Variants in HDGFL2 observed in about 807,000 individuals in gnomAD.
HDGFL2 encodes the protein HDGF like 2.
A neutral mutation model predicts 77.1 loss-of-function variants in HDGFL2; 36 were observed. The observed-to-expected ratio is 0.47, with a 90% CI of 0.36 to 0.62. HDGFL2 has a LOEUF of 0.62. Ranked by LOEUF, HDGFL2 falls within the 20% of genes least tolerant of loss-of-function variation. HDGFL2 has a pLI of 0.00. For synonymous variants in HDGFL2, 463 were observed against 413.1 expected (o/e 1.12, Z -1.46); for missense variants, 976 against 973.4 (o/e 1.00, Z -0.04).
intron 15 of HDGFL2, 151 bp downstream of exon 15, chr19:4,501,468 C>T (rs1233706475): frequency 3.3e-6 from 3 of 918,524 alleles, no homozygotes; most frequent in Middle Eastern, 7.2e-4. Context: ...ACAGCTGACC[C>T]CAGGGCCCCG....
intron 8 of HDGFL2, 42 bp downstream of exon 8, chr19:4,494,099 C>T (rs760181661): frequency 1.4e-5 from 21 of 1,532,424 alleles, no homozygotes; most frequent in Middle Eastern, 1.7e-4. Context: ...GCTCCTCCAT[C>T]GGCTGAGGGG....
At chr19:4,483,632 C>T (rs550769783) in intron 3 of HDGFL2, among the ~76,000 whole-genome samples, 26 of 152,114 alleles carry the variant, frequency 1.7e-4, no homozygotes, top group African/African-American at 6.0e-4. Context: ...TTCCTGGCCT[C>T]GTCTCCCGCG....
At chr19:4,489,433 C>G (rs964462616) in intron 4 of HDGFL2, among the ~76,000 whole-genome samples, 1 of 149,886 alleles carries the variant, frequency 6.7e-6, no homozygotes, top group Non-Finnish European at 1.5e-5. Flanking sequence ...GAGACGGAGT[C>G]TCATTCTGTT....
At position 4,501,964 on chromosome 19, in the gene HDGFL2, G is replaced by A. The variant is rs560271376; in HGVS notation, c.1970G>A (p.Arg657His). The A allele has an allele frequency of 3.3e-5, 49 of 1,506,328 alleles. 1 individual carries two copies. The highest frequency in any genetic ancestry group is 3.8e-5 in the Non-Finnish European group (43 of 1,133,848). 93.3% of individuals were successfully genotyped at this position (1,506,328 alleles called of 1,614,324 possible). The part of the protein sequence containing the change: ...LDRPGSDRQE[R>H]ERARGDSEAL... Reference sequence around the variant, plus strand: ...AGGCCTGGGAGCGACCGGCAGGAGCGCGAGAGGGCACGGGGGGACTCGGAG... The same window carrying A: ...AGGCCTGGGAGCGACCGGCAGGAGCACGAGAGGGCACGGGGGGACTCGGAG... The change falls in exon 16 of 16, where the codon CGC becomes CAC. Residue 657 changes from arginine to histidine, a missense_variant. Arg to His is a conservative substitution (Grantham distance 29, BLOSUM62 0). Transcript: ENST00000616600.
intron 10 of HDGFL2, chr19:4,497,050 GC>G (rs1568216466): frequency 2.5e-6 from 1 of 403,760 alleles, no homozygotes; most frequent in Non-Finnish European, 4.9e-6. Flanking sequence ...AATTTTTGTT[GC>G]TTTAGTAGAC....
At position 4,501,258 on chromosome 19, in the gene HDGFL2, CGAG is replaced by C. The variant is rs757742094; in HGVS notation, c.1862_1864del (p.Glu621del). The stretch of plus-strand genomic sequence containing the variant: ...GGGAGAGCGCAGAGGACAAGGAGCA[CGAG>C]GAGGGTCGGGACTCGGAGGAGGGGC... On this transcript the variant is annotated inframe_deletion, in exon 15 of 16. Transcript: ENST00000616600. The C allele has an allele frequency of 1.2e-5, 19 of 1,613,298 alleles. No homozygotes were observed. In the African/African-American group the frequency reaches 2.5e-4, roughly 22 times the overall value.
intron 3 of HDGFL2, among the ~76,000 whole-genome samples, chr19:4,482,693 G>A (rs1412415820): frequency 6.6e-6 from 1 of 152,188 alleles, no homozygotes; most frequent in Non-Finnish European, 1.5e-5. Flanking sequence ...GCCAAGACCT[G>A]CTCGTGCTTT....
At position 4,501,217 on chromosome 19, in the gene HDGFL2, G is replaced by T; in HGVS notation, c.1816G>T (p.Ala606Ser). The change falls in exon 15 of 16, where the codon GCC becomes TCC. Residue 606 changes from alanine to serine, a missense_variant. Transcript: ENST00000616600. Reference protein sequence around the residue: ...TDLSAPVNGEATSQKGESAED... With the variant: ...TDLSAPVNGESTSQKGESAED... ...TCTCTCAGCCCCAGTGAATGGCGAG[G>T]CCACATCACAGAAGGGGGAGAGCGC... 6.2e-7 allele frequency: 1 copy of T among 1,613,656 alleles called. No individual in the cohort carries two copies. Among genetic ancestry groups the T allele is most frequent in the African/African-American group, 1.3e-5 (1 of 75,064 alleles).
intron 3 of HDGFL2, among the ~76,000 whole-genome samples, chr19:4,478,019 G>T (rs1005553328): frequency 2.7e-5 from 4 of 149,074 alleles, no homozygotes; most frequent in Non-Finnish European, 4.4e-5. Flanking sequence ...GGGAGAAGTT[G>T]CAGTGAGCCA....
rs967486231 is a variant in HDGFL2, at chr19:4,488,970, T to C, written c.489+94T>C. The stretch of plus-strand genomic sequence containing the variant: ...TCCTGCCCTTTTTTTTTTTTTTTTT[T>C]TGAGACAAGGTCTTACTCTGTCGCC... On this transcript the variant is annotated intron_variant, in intron 4 of 15. Transcript: ENST00000616600. 7 of 915,976 alleles carry C rather than the reference T, an allele frequency of 7.6e-6. No individual in the cohort carries two copies. The African/African-American group carries it at 1.2e-4, about 16-fold the overall frequency. The allele number at this position is 915,976 out of a possible 1,614,324, so 56.7% of individuals were successfully genotyped here. A position where few individuals can be genotyped will look rare whatever the true frequency, so the allele number is the denominator to read the frequency against.
intron 10 of HDGFL2, 81 bp from the exon 11 acceptor site, chr19:4,497,877 G>T (rs1042488788): frequency 2.4e-6 from 3 of 1,275,690 alleles, no homozygotes; most frequent in Non-Finnish European, 3.3e-6. Context: ...CAGTGGGTTT[G>T]GGTCCACCCC....
chr19:4,492,899 T>TAGTTA (rs1975565797), intron 6 of HDGFL2, among the ~76,000 whole-genome samples: 2 of 118,550 alleles, frequency 1.7e-5, no homozygotes, highest in African/African-American at 3.6e-5. Context: ...ATCTGTGGTG[T>TAGTTA]GTGTGTGGTG....
chr19:4,487,283 G>A (rs1019407354), intron 3 of HDGFL2, among the ~76,000 whole-genome samples: 1 of 150,852 alleles, frequency 6.6e-6, no homozygotes, highest in African/African-American at 2.4e-5. Flanking sequence ...TACAAACGGG[G>A]TCTTGCTCTA....
rs1299641315 is a variant in HDGFL2, at chr19:4,501,204, A to C, written c.1803A>C (p.Pro601=). ...EDKPSTDLSA[P]VNGEATSQKG... ...TGTCCCACCCAGATCTCTCAGCCCC[A>C]GTGAATGGCGAGGCCACATCACAGA... Residue 601 remains proline (P), a synonymous_variant, in exon 15 of 16, where the codon CCA becomes CCC. Coordinates refer to ENST00000616600, the MANE Select transcript of HDGFL2 (RefSeq NM_001001520.3). 6.2e-7 allele frequency: 1 copy of C among 1,613,378 alleles called. No individual in the cohort carries two copies. The highest frequency in any genetic ancestry group is 1.1e-5 in the South Asian group (1 of 91,080).
At chr19:4,478,197 G>GTTTT (rs113038095) in intron 3 of HDGFL2, among the ~76,000 whole-genome samples, 2 of 140,480 alleles carry the variant, frequency 1.4e-5, no homozygotes, top group Non-Finnish European at 1.5e-5. Flanking sequence ...GGATGCTGCT[G>GTTTT]TTTTTTTTTT....
intron 10 of HDGFL2, chr19:4,497,139 C>G (rs764852011): frequency 2.2e-6 from 1 of 447,720 alleles, no homozygotes; most frequent in African/African-American, 2.0e-5. Context: ...TCCCAAAGTG[C>G]TGGGATTACA....
intron 3 of HDGFL2, among the ~76,000 whole-genome samples, chr19:4,488,348 T>C (rs1315080831): frequency 6.6e-6 from 1 of 152,220 alleles, no homozygotes; most frequent in Non-Finnish European, 1.5e-5. Context: ...CATGCTTTCC[T>C]GGTCACAGGC....
intron 3 of HDGFL2, among the ~76,000 whole-genome samples, chr19:4,485,610 C>A (rs1430019682): frequency 6.6e-6 from 1 of 151,612 alleles, no homozygotes; most frequent in East Asian, 1.9e-4. Flanking sequence ...GGCGTGGTGG[C>A]GGGTGCCTGT....
rs375749478 is a variant in HDGFL2, at chr19:4,499,703, C to T, written c.1788C>T (p.Thr596=). Reference sequence around the variant, plus strand: ...AGAAGGCGGAGGACAAGCCCAGCACCGGTGAGGGGCGGGTGGGGTGGGCCC... The same window carrying T: ...AGAAGGCGGAGGACAAGCCCAGCACTGGTGAGGGGCGGGTGGGGTGGGCCC... The part of the protein sequence containing the change: ...PQEKAEDKPS[T]DLSAPVNGEA... The change falls in exon 14 of 16, where the codon ACC becomes ACT. Residue 596 remains threonine (T), a splice_region_variant and synonymous_variant. Transcript: ENST00000616600. The T allele has an allele frequency of 1.3e-4, 100 of 769,634 alleles. No individual in the cohort carries two copies. The highest frequency in any genetic ancestry group is 9.8e-4 in the African/African-American group (54 of 55,044). The allele number at this position is 769,634 out of a possible 1,614,324, so 47.7% of individuals were successfully genotyped here. A position where few individuals can be genotyped will look rare whatever the true frequency, so the allele number is the denominator to read the frequency against.
Sources: gnomAD v4.1 joint callset for allele counts (sites outside exome capture counted in the v4.1 genomes callset) on GRCh38, gnomAD v4.1.1 for gene constraint, MANE v1.5 for transcripts, NCBI Gene and HGNC (gene_info 2026-07-23, HGNC 2026-07-21) for gene names.